The following TCF12 variants were observed in gnomAD, a reference collection of about 807,000 sequenced individuals.
The protein encoded by TCF12 is DNA-binding protein HTF4.
A neutral mutation model predicts 86.0 loss-of-function variants in TCF12; 45 were observed. That is an observed-to-expected ratio of 0.52 (90% confidence interval 0.41 to 0.67). TCF12 has a LOEUF of 0.67. Ranked by LOEUF, TCF12 falls within the 30% of genes least tolerant of loss-of-function variation. The pLI, the probability that TCF12 is intolerant of heterozygous loss-of-function variation, is 0.00. For synonymous variants in TCF12, 330 were observed against 299.6 expected (o/e 1.10, Z -1.05); for missense variants, 881 against 859.9 (o/e 1.02, Z -0.31).
intron 8 of TCF12, among the ~76,000 whole-genome samples, chr15:57,223,591 A>C (rs905916713): frequency 3.4e-5 from 5 of 145,254 alleles, no homozygotes; most frequent in African/African-American, 1.2e-4. Context: ...AATAGAATTA[A>C]TCATACTGAA....
chr15:57,174,790 C>T (rs182439880), intron 6 of TCF12, among the ~76,000 whole-genome samples: 4 of 152,166 alleles, frequency 2.6e-5, no homozygotes, highest in Admixed American at 2.0e-4. Context: ...TATCCAAAAG[C>T]GTGAAATACT....
At chr15:57,034,330 T>C (rs1277700152) in intron 3 of TCF12, among the ~76,000 whole-genome samples, 1 of 152,182 alleles carries the variant, frequency 6.6e-6, no homozygotes, top group Non-Finnish European at 1.5e-5. Context: ...CCTATGTTTT[T>C]TCACTACGCT....
In TCF12 at chr15:56,942,084, G is replaced by T. The variant is rs1158460594; in HGVS notation, c.148+20986G>T. Among the ~76,000 whole-genome samples the T allele has an allele frequency of 2.6e-5, 4 of 152,136 alleles. No homozygotes were observed. The South Asian group carries it at 8.3e-4, about 31-fold the overall frequency. ...ACTTTTATTGATTGTAAAACTTCCA[G>T]ATTTCTGAGATGCCGCCTTACCAGT... On this transcript the variant is annotated intron_variant, in intron 3 of 20. Transcript: ENST00000333725.
chr15:57,176,240 C>T (rs934460396), intron 6 of TCF12, among the ~76,000 whole-genome samples: 3 of 152,112 alleles, frequency 2.0e-5, no homozygotes, highest in African/African-American at 2.4e-5. Context: ...TCCTCAATTC[C>T]GTGAGCTCTC....
chr15:56,975,165 TGATTAGTA>T (rs1203861128), intron 3 of TCF12, among the ~76,000 whole-genome samples: 1 of 152,162 alleles, frequency 6.6e-6, no homozygotes, highest in Non-Finnish European at 1.5e-5. Flanking sequence ...GTATCTTTTG[TGATTAGTA>T]GATTAAGTTC....
chr15:57,220,134 C>G (rs894026453), intron 8 of TCF12, among the ~76,000 whole-genome samples: 15 of 152,244 alleles, frequency 9.9e-5, no homozygotes, highest in African/African-American at 3.6e-4. Flanking sequence ...AGAAAATAAA[C>G]TTGAGTTTCT....
chr15:57,099,847 A>G (rs1287504796), intron 5 of TCF12, among the ~76,000 whole-genome samples: 3 of 151,752 alleles, frequency 2.0e-5, no homozygotes, highest in South Asian at 4.2e-4. Context: ...CAACCGTACT[A>G]TCTGTAGAGG....
chr15:56,944,641 G>T (rs1473887173), intron 3 of TCF12, among the ~76,000 whole-genome samples: 1 of 152,152 alleles, frequency 6.6e-6, no homozygotes, highest in East Asian at 1.9e-4. Flanking sequence ...TCCTGGCATT[G>T]TAATTTTTAG....
At chr15:57,223,074 CT>C (rs1268919026) in intron 8 of TCF12, among the ~76,000 whole-genome samples, 2 of 151,902 alleles carry the variant, frequency 1.3e-5, no homozygotes, top group African/African-American at 4.8e-5. Flanking sequence ...AAGGGCTATT[CT>C]GTGGGAGGAA....
intron 4 of TCF12, among the ~76,000 whole-genome samples, chr15:57,087,246 G>A (rs1459098478): frequency 2.0e-5 from 3 of 151,332 alleles, no homozygotes; most frequent in Non-Finnish European, 4.4e-5. Flanking sequence ...ACCCCATCTC[G>A]ACAAAAAATA....
At chr15:56,997,209 A>T (rs575441809) in intron 3 of TCF12, among the ~76,000 whole-genome samples, 1 of 152,356 alleles carries the variant, frequency 6.6e-6, no homozygotes, top group African/African-American at 2.4e-5. Flanking sequence ...AAGAGCAAAG[A>T]CATGGAATCA....
At chr15:57,158,354 AT>A (rs2151495059) in intron 5 of TCF12, among the ~76,000 whole-genome samples, 1 of 151,468 alleles carries the variant, frequency 6.6e-6, no homozygotes, top group Non-Finnish European at 1.5e-5. Flanking sequence ...GATTTTTTGT[AT>A]TTTTTGTAGA....
At chr15:57,077,325 ATATGTGTG>A (rs59671300) in intron 4 of TCF12, among the ~76,000 whole-genome samples, 10,225 of 127,210 alleles carry the variant, frequency 0.08, 1,563 homozygotes, top group African/African-American at 0.23. Context: ...ATATGTATAT[ATATGTGTG>A]TGTGTGTGTG....
intron 3 of TCF12, among the ~76,000 whole-genome samples, chr15:56,940,789 T>C (rs1216978589): frequency 2.1e-5 from 3 of 142,630 alleles, no homozygotes; most frequent in Non-Finnish European, 4.6e-5. Flanking sequence ...GAGGTCTAAC[T>C]CTGTTGCCCA....
At chr15:57,181,060 C>T (rs960155580) in intron 6 of TCF12, among the ~76,000 whole-genome samples, 2 of 151,700 alleles carry the variant, frequency 1.3e-5, no homozygotes, top group Admixed American at 6.6e-5. Flanking sequence ...GTGATCCGCC[C>T]GCCTCGGTCT....
intron 4 of TCF12, among the ~76,000 whole-genome samples, chr15:57,071,672 C>T (rs1391452986): frequency 6.6e-6 from 1 of 152,174 alleles, no homozygotes; most frequent in Non-Finnish European, 1.5e-5. Flanking sequence ...CTTCTTAACT[C>T]TTTTAAGACA....
At chr15:57,004,995 T>C (rs1209986629) in intron 3 of TCF12, among the ~76,000 whole-genome samples, 1 of 152,248 alleles carries the variant, frequency 6.6e-6, no homozygotes, top group East Asian at 1.9e-4. Context: ...ATTGAAAGCA[T>C]TTTATGTTCA....
intron 5 of TCF12, among the ~76,000 whole-genome samples, chr15:57,142,139 G>T (rs1377344555): frequency 6.6e-6 from 1 of 152,136 alleles, no homozygotes; most frequent in Non-Finnish European, 1.5e-5. Context: ...GCAAATGGAA[G>T]TTGGCTATAT....
At chr15:56,962,128 G>A (rs1469933189) in intron 3 of TCF12, among the ~76,000 whole-genome samples, 6 of 111,854 alleles carry the variant, frequency 5.4e-5, no homozygotes, top group South Asian at 6.4e-4. Flanking sequence ...GCGAGACTCC[G>A]TCTCAAAAAA....
Sources: gnomAD v4.1 joint callset for allele counts (sites outside exome capture counted in the v4.1 genomes callset) on GRCh38, gnomAD v4.1.1 for gene constraint, MANE v1.5 for transcripts, NCBI Gene and HGNC (gene_info 2026-07-23, HGNC 2026-07-21) for gene names.